USH2A: variants seen among roughly 807,000 people sequenced by gnomAD.
The protein encoded by USH2A is usherin, also known as Usher syndrome 2A (autosomal recessive, mild).
Under a neutral mutation model 538.9 loss-of-function variants are expected in USH2A, and 443 were observed. That is an observed-to-expected ratio of 0.82 (90% CI 0.76 to 0.89). The LOEUF (loss-of-function observed/expected upper bound fraction) is 0.89, where lower values mean the gene tolerates loss of function less well. Ranked by LOEUF, USH2A falls within the 40% of genes least tolerant of loss-of-function variation. USH2A has a pLI of 0.00. For missense variants in USH2A, 6,633 were observed against 6,324.8 expected, an observed-to-expected ratio of 1.05 and a Z score of -1.65; for synonymous variants, 2,413 against 2,273.5, an observed-to-expected ratio of 1.06 and a Z score of -1.75.
intron 50 of USH2A, among the ~76,000 whole-genome samples, chr1:215,791,524 T>C (rs190555220): frequency 1.6e-4 from 24 of 152,344 alleles, no homozygotes; most frequent in Non-Finnish European, 3.4e-4. Flanking sequence ...CTCTCATTCA[T>C]CTTTTTACTT....
At chr1:215,836,498 A>ATATT (rs1491303511) in intron 47 of USH2A, among the ~76,000 whole-genome samples, 965 of 17,678 alleles carry the variant, frequency 0.055, 72 homozygotes, top group Non-Finnish European at 0.089. Flanking sequence ...TTATATATAT[A>ATATT]ATATATATTA....
chr1:216,285,784 T>C (rs1274134754), intron 11 of USH2A, among the ~76,000 whole-genome samples: 1 of 152,236 alleles, frequency 6.6e-6, no homozygotes, highest in Non-Finnish European at 1.5e-5. Context: ...CAGCATGCCC[T>C]GGATGTAAGA....
intron 3 of USH2A, among the ~76,000 whole-genome samples, chr1:216,415,422 A>T (rs1444287278): frequency 1.3e-5 from 2 of 151,258 alleles, no homozygotes; most frequent in Admixed American, 1.3e-4. Context: ...TATCATATGG[A>T]TTCCTATAAA....
intron 38 of USH2A, 122 bp downstream of exon 38, chr1:215,934,494 A>C: frequency 2.0e-6 from 2 of 992,002 alleles, no homozygotes; most frequent in Non-Finnish European, 2.9e-6. Context: ...AAGAACCAGA[A>C]ATACAATTGA....
chr1:216,068,631 C>A (rs1396920128), intron 30 of USH2A, among the ~76,000 whole-genome samples: 1 of 152,080 alleles, frequency 6.6e-6, no homozygotes, highest in African/African-American at 2.4e-5. Context: ...TCAGTAATAT[C>A]TCTGAAGAAA....
intron 3 of USH2A, among the ~76,000 whole-genome samples, chr1:216,398,333 C>G (rs2039251268): frequency 6.6e-6 from 1 of 152,138 alleles, no homozygotes. Context: ...AACAACATGG[C>G]AAATTCCCTA....
At chr1:216,391,365 C>T (rs189381900) in intron 3 of USH2A, among the ~76,000 whole-genome samples, 90 of 152,234 alleles carry the variant, frequency 5.9e-4, no homozygotes, top group African/African-American at 2.1e-3. Context: ...TGAAATTGGT[C>T]AGTCAGTCAT....
rs1056147246 is a variant in USH2A at position 216,315,649 on chromosome 1, T to C, written c.1644+6234A>G. Among the ~76,000 whole-genome samples, 14 of 152,346 alleles carry C rather than the reference T, an allele frequency of 9.2e-5. No homozygotes were observed. In the East Asian group the frequency reaches 2.3e-3, roughly 25 times the overall value. On this transcript the variant is annotated intron_variant, in intron 9 of 71. Transcript: ENST00000307340. Reference sequence around the variant, plus strand: ...AGAAAAAAACACTAGTTTTGCCAGATGTTACCATGGGACAAATTGGTAGAG... The same window carrying C: ...AGAAAAAAACACTAGTTTTGCCAGACGTTACCATGGGACAAATTGGTAGAG...
intron 3 of USH2A, among the ~76,000 whole-genome samples, chr1:216,387,372 A>G (rs538343751): frequency 7.6e-4 from 116 of 152,226 alleles, no homozygotes; most frequent in Non-Finnish European, 1.4e-3. Context: ...TCCATTTTCT[A>G]TTTCCACAAT....
intron 21 of USH2A, among the ~76,000 whole-genome samples, chr1:216,169,969 G>A (rs1011064557): frequency 2.0e-5 from 3 of 150,882 alleles, no homozygotes; most frequent in African/African-American, 7.3e-5. Flanking sequence ...TTTTTCAAGC[G>A]CTTTCTGTCA....
intron 70 of USH2A, chr1:215,630,379 T>A (rs1281589093): frequency 2.4e-6 from 1 of 416,168 alleles, no homozygotes; most frequent in Non-Finnish European, 4.8e-6. Context: ...TACATATATA[T>A]CCTAGGATAC....
rs112511439 is a variant in USH2A, at chr1:216,134,682, C to T, written c.4628-37469G>A. On this transcript the variant is annotated intron_variant, in intron 21 of 71. Coordinates refer to ENST00000307340, the MANE Select transcript of USH2A (RefSeq NM_206933.4). ...TTGCACAAATTCTGTCATGATTGAA[C>T]GCAATTCAGTGTCAGCATTTAGGGC... Among the ~76,000 whole-genome samples, 662 of 152,194 alleles carry T rather than the reference C, an allele frequency of 4.3e-3. 1 individual carries two copies. The highest frequency in any genetic ancestry group is 0.015 in the African/African-American group (634 of 41,552).
In USH2A at chr1:216,156,878, CT is replaced by C. The variant is rs397844581; in HGVS notation, c.4627+18373del. Reference sequence around the variant, plus strand: ...AGAACATGAACACATACTTCTATCTCTTTTTTTTTTTTTTGAGACGGAGTTT... The same window carrying C: ...AGAACATGAACACATACTTCTATCTCTTTTTTTTTTTTTGAGACGGAGTTT... On this transcript the variant is annotated intron_variant, in intron 21 of 71. Coordinates refer to ENST00000307340, the MANE Select transcript of USH2A (RefSeq NM_206933.4). Among the ~76,000 whole-genome samples, 569 of 143,466 alleles carry C rather than the reference CT, an allele frequency of 4.0e-3. 4 individuals carry two copies. The highest frequency in any genetic ancestry group is 8.5e-3 in the African/African-American group (335 of 39,318). 94.1% of individuals were successfully genotyped at this position (143,466 alleles called of 152,430 possible). A position where few individuals can be genotyped will look rare whatever the true frequency, so the allele number is the denominator to read the frequency against.
intron 46 of USH2A, among the ~76,000 whole-genome samples, chr1:215,838,714 C>G (rs879376239): frequency 2.0e-5 from 3 of 152,054 alleles, no homozygotes; most frequent in Admixed American, 2.0e-4. Context: ...GGTGGAATAA[C>G]TGAAGATTAG....
intron 60 of USH2A, among the ~76,000 whole-genome samples, chr1:215,731,264 G>A (rs1659987296): frequency 6.6e-6 from 1 of 152,192 alleles, no homozygotes; most frequent in South Asian, 2.1e-4. Context: ...GCCTGGTTAA[G>A]TATTTCTTAT....
chr1:216,418,399 C>A, intron 3 of USH2A, 115 bp downstream of exon 3: 1 of 1,200,778 alleles, frequency 8.3e-7, no homozygotes, highest in East Asian at 2.4e-5. Flanking sequence ...TTTATACACA[C>A]CTGAAATCTA....
At chr1:215,638,444 AC>A in intron 69 of USH2A, among the ~76,000 whole-genome samples, 1 of 151,840 alleles carries the variant, frequency 6.6e-6, no homozygotes, top group East Asian at 2.0e-4. Context: ...ACAAAGTGAA[AC>A]CCCATCTCTA....
intron 21 of USH2A, 70 bp downstream of exon 21, chr1:216,175,182 G>C (rs1457514296): frequency 1.6e-5 from 26 of 1,600,516 alleles, no homozygotes; most frequent in Non-Finnish European, 2.1e-5. Context: ...CATTGTAAAG[G>C]GATATGAAAA....
At chr1:216,231,239 TATATATATATTATATATATA>T (rs1272688320) in intron 14 of USH2A, among the ~76,000 whole-genome samples, 1 of 65,300 alleles carries the variant, frequency 1.5e-5, no homozygotes, top group South Asian at 4.5e-4. Context: ...ATCCCATATA[TATATATATATTATATATATA>T]ATATATATAT....
Sources: gnomAD v4.1 joint callset for allele counts (sites outside exome capture counted in the v4.1 genomes callset) on GRCh38, gnomAD v4.1.1 for gene constraint, MANE v1.5 for transcripts, NCBI Gene and HGNC (gene_info 2026-07-23, HGNC 2026-07-21) for gene names.